Variants in SCML2 observed in about 807,000 individuals in gnomAD.
SCML2 encodes the protein sex comb on midleg-like protein 2.
In SCML2, 6 loss-of-function variants were observed where a neutral mutation model predicts 48.4. The observed-to-expected ratio is 0.12, with a 90% CI of 0.07 to 0.24. SCML2 has a LOEUF of 0.24. Ranked by LOEUF, SCML2 falls within the 10% of genes least tolerant of loss-of-function variation. The probability of loss-of-function intolerance (pLI) is 1.00; values close to 1 mark genes in which losing one functional copy is unlikely to be tolerated. For synonymous variants in SCML2, 181 were observed against 189.5 expected, an observed-to-expected ratio of 0.95 and a Z score of 0.37; for missense variants, 377 against 528.2, an observed-to-expected ratio of 0.71 and a Z score of 2.81.
intron 11 of SCML2, among the ~76,000 whole-genome samples, chrX:18,248,994 G>T (rs1926550213): frequency 9.0e-6 from 1 of 111,348 alleles, no homozygotes; most frequent in Admixed American, 9.6e-5. Context: ...GCGTATTGTA[G>T]TAAGCTAAGG....
At chrX:18,253,318 T>C (rs1926730695) in intron 11 of SCML2, among the ~76,000 whole-genome samples, 1 of 111,665 alleles carries the variant, frequency 9.0e-6, no homozygotes, top group African/African-American at 3.3e-5. Flanking sequence ...CTTTTTAAGG[T>C]AGAAATCTGG....
At chrX:18,267,763 T>A (rs1927306383) in intron 7 of SCML2, among the ~76,000 whole-genome samples, 1 of 109,720 alleles carries the variant, frequency 9.1e-6, no homozygotes, top group African/African-American at 3.3e-5. Flanking sequence ...GCCCAGCTAA[T>A]TTTTTGTATT....
intron 5 of SCML2, among the ~76,000 whole-genome samples, chrX:18,322,903 T>A (rs888388763): frequency 9.0e-6 from 1 of 111,181 alleles, no homozygotes; most frequent in African/African-American, 3.3e-5. Context: ...CAAAAAAAAA[T>A]ATTTTTTAAA....
At chrX:18,253,268 T>C (rs1926728880) in intron 11 of SCML2, among the ~76,000 whole-genome samples, 1 of 111,645 alleles carries the variant, frequency 9.0e-6, no homozygotes, top group Non-Finnish European at 1.9e-5. Flanking sequence ...AATCACTGAA[T>C]GGAATGAGCC....
chrX:18,281,006 T>C (rs1444763738), intron 7 of SCML2, among the ~76,000 whole-genome samples: 5 of 112,871 alleles, frequency 4.4e-5, no homozygotes, highest in African/African-American at 9.7e-5. Context: ...CTGGACCTAA[T>C]AGACATCTAC....
Position 18,323,826 on chromosome X carries a change from A to C in SCML2, c.397+33T>G, listed in dbSNP as rs113938603. On this transcript the variant is annotated intron_variant, in intron 5 of 14. Transcript: ENST00000251900. ...CATTTCTATTGAATATCACATTAGA[A>C]AGAATACGCTATTTTTAAAACTTTC... 5.1e-5 allele frequency: 54 copies of C among 1,065,442 alleles called. 2 individuals carry two copies. Among genetic ancestry groups the C allele is most frequent in the African/African-American group, 3.9e-4 (21 of 54,427 alleles). The allele number at this position is 1,065,442 out of a possible 1,213,427, so 87.8% of individuals were successfully genotyped here.
chrX:18,291,413 C>A (rs948805338), intron 7 of SCML2, among the ~76,000 whole-genome samples: 2 of 112,102 alleles, frequency 1.8e-5, no homozygotes, highest in African/African-American at 6.5e-5. Flanking sequence ...CAAATTTTTG[C>A]TGTTTCTGAT....
intron 3 of SCML2, among the ~76,000 whole-genome samples, chrX:18,325,223 G>A (rs1929442981): frequency 9.0e-6 from 1 of 111,699 alleles, no homozygotes; most frequent in South Asian, 3.7e-4. Flanking sequence ...TACTCTCATT[G>A]TAATGTGGAC....
chrX:18,310,481 G>A (rs929287467), intron 6 of SCML2, among the ~76,000 whole-genome samples: 20 of 110,129 alleles, frequency 1.8e-4, no homozygotes, highest in Non-Finnish European at 3.2e-4. Flanking sequence ...GGCCAGGCCG[G>A]TCTCGAACTC....
At chrX:18,354,043 C>A (rs1930458543) in intron 1 of SCML2, among the ~76,000 whole-genome samples, 1 of 112,331 alleles carries the variant, frequency 8.9e-6, no homozygotes, top group Non-Finnish European at 1.9e-5. Context: ...GGTGAGCCAC[C>A]GGCGCCCCCA....
At chrX:18,337,822 C>G (rs1164709577) in intron 1 of SCML2, among the ~76,000 whole-genome samples, 3 of 111,475 alleles carry the variant, frequency 2.7e-5, no homozygotes, top group Non-Finnish European at 1.9e-5. Context: ...TCCTCTCAAG[C>G]TCACATGGAA....
chrX:18,300,197 C>CGAGACCAGCCTGGGTAACATGGT (rs1928539505), intron 7 of SCML2, among the ~76,000 whole-genome samples: 1 of 109,323 alleles, frequency 9.1e-6, no homozygotes, highest in Non-Finnish European at 1.9e-5. Flanking sequence ...ACTAGGAGGT[C>CGAGACCAGCCTGGGTAACATGGT]GAGACCAGCC....
intron 6 of SCML2, among the ~76,000 whole-genome samples, chrX:18,310,259 C>CT (rs1956839725): frequency 2.1e-5 from 2 of 96,651 alleles, no homozygotes; most frequent in African/African-American, 7.8e-5. Context: ...TAACCACCTC[C>CT]CTTTTTTTTT....
chrX:18,241,946 T>C lies in SCML2; in HGVS notation c.1974+493A>G, dbSNP rs767513515. Among the ~76,000 whole-genome samples, 3 of 112,280 alleles carry C rather than the reference T, an allele frequency of 2.7e-5. No individual in the cohort carries two copies. The East Asian group carries it at 8.4e-4, about 31-fold the overall frequency. On this transcript the variant is annotated intron_variant, in intron 14 of 14. Coordinates refer to ENST00000251900, the MANE Select transcript of SCML2 (RefSeq NM_006089.3). ...AATATTACTTAATAGTCACAAGGCA[T>C]CCTCCTAAAATTCTTTATTACCTTA...
chrX:18,309,609 C>T (rs749312235), intron 6 of SCML2, among the ~76,000 whole-genome samples: 18 of 111,840 alleles, frequency 1.6e-4, no homozygotes, highest in South Asian at 3.7e-4. Flanking sequence ...TAAAAAAGGA[C>T]GAGATCATGT....
At chrX:18,334,180 T>C in intron 1 of SCML2, 85 bp from the exon 2 acceptor site, 1 of 613,064 alleles carries the variant, frequency 1.6e-6, no homozygotes, top group Non-Finnish European at 2.5e-6. Context: ...GCCAGATCAA[T>C]TTAATCTGTT....
intron 9 of SCML2, among the ~76,000 whole-genome samples, chrX:18,259,137 G>C (rs1415785594): frequency 9.1e-6 from 1 of 110,231 alleles, no homozygotes; most frequent in Non-Finnish European, 1.9e-5. Context: ...GGTGGCACAT[G>C]CCTGTAGTCC....
intron 7 of SCML2, among the ~76,000 whole-genome samples, chrX:18,289,671 G>A (rs1035535809): frequency 1.3e-4 from 15 of 111,892 alleles, no homozygotes; most frequent in Non-Finnish European, 1.9e-5. Flanking sequence ...GCTTTATGTG[G>A]CTGTAACTGA....
chrX:18,352,282 T>C (rs1930401127), intron 1 of SCML2, among the ~76,000 whole-genome samples: 1 of 112,257 alleles, frequency 8.9e-6, no homozygotes, highest in East Asian at 2.8e-4. Context: ...AAATACCCAA[T>C]CTTCAGAGCA....
Sources: allele counts gnomAD v4.1 joint callset (sites outside exome capture counted in the v4.1 genomes callset), GRCh38; gene constraint gnomAD v4.1.1; transcripts MANE v1.5; gene names NCBI Gene and HGNC (gene_info 2026-07-23, HGNC 2026-07-21).